The following CSMD1 variants were observed in gnomAD, a reference collection of about 807,000 sequenced individuals.
The protein encoded by CSMD1 is CUB and sushi domain-containing protein 1.
In CSMD1, 213 loss-of-function variants were observed where a neutral mutation model predicts 417.5. The observed-to-expected ratio is 0.51, with a 90% CI of 0.46 to 0.57. The LOEUF is 0.57. CSMD1 is among the 20% of genes least tolerant of loss of function. CSMD1 has a pLI of 0.00. For synonymous variants in CSMD1, 2,862 were observed against 1,736.8 expected (o/e 1.65, Z -16.11); for missense variants, 6,923 against 4,529.7 (o/e 1.53, Z -15.17).
At chr8:4,758,636 G>A (rs190514438) in intron 1 of CSMD1, among the ~76,000 whole-genome samples, 55 of 152,260 alleles carry the variant, frequency 3.6e-4, no homozygotes, top group African/African-American at 1.3e-3. Flanking sequence ...CACATGGCTG[G>A]GGAGGCCTCA....
At chr8:3,032,083 T>C (rs1810378865) in intron 50 of CSMD1, among the ~76,000 whole-genome samples, 1 of 151,658 alleles carries the variant, frequency 6.6e-6, no homozygotes, top group Admixed American at 6.6e-5. Flanking sequence ...AAGAAACGTG[T>C]ATGAGTGGAA....
rs1404455230 is a variant in CSMD1, at chr8:4,504,126, G to C, written c.303-84061C>G. On this transcript the variant is annotated intron_variant, in intron 2 of 69. Transcript: ENST00000635120. ...ATAAAGAAAATGTGGTGTATATATA[G>C]CCCATGGAGGATTACTCTTCACTCT... Among the ~76,000 whole-genome samples, 4 of 152,200 alleles carry C rather than the reference G, an allele frequency of 2.6e-5. No homozygotes were observed. The South Asian group carries it at 8.3e-4, about 32-fold the overall frequency.
chr8:3,157,029 T>C (rs1819579789), intron 39 of CSMD1, among the ~76,000 whole-genome samples: 1 of 148,698 alleles, frequency 6.7e-6, no homozygotes, highest in South Asian at 2.2e-4. Context: ...GCTAATAGCA[T>C]TCGCAGAGGA....
At chr8:3,009,246 T>C (rs1295099301) in intron 52 of CSMD1, among the ~76,000 whole-genome samples, 1 of 152,210 alleles carries the variant, frequency 6.6e-6, no homozygotes, top group African/African-American at 2.4e-5. Flanking sequence ...GCAGGACAAA[T>C]ACTAAATATT....
chr8:4,805,397 T>G (rs2117304932), intron 1 of CSMD1, among the ~76,000 whole-genome samples: 1 of 152,248 alleles, frequency 6.6e-6, no homozygotes, highest in South Asian at 2.1e-4. Flanking sequence ...TGTGATAAAT[T>G]ATTTCTTGGT....
intron 2 of CSMD1, among the ~76,000 whole-genome samples, chr8:4,483,944 GT>G (rs1347608224): frequency 1.3e-5 from 2 of 152,068 alleles, no homozygotes; most frequent in Non-Finnish European, 2.9e-5. Context: ...GTATAATGTC[GT>G]TGTCTCTCAT....
chr8:3,083,221 AC>A (rs1343063152), intron 49 of CSMD1, among the ~76,000 whole-genome samples: 1 of 152,100 alleles, frequency 6.6e-6, no homozygotes, highest in African/African-American at 2.4e-5. Flanking sequence ...AAAAGACAGA[AC>A]ATGTCTTCAA....
chr8:3,834,676 A>G (rs951273992), intron 5 of CSMD1, among the ~76,000 whole-genome samples: 1 of 152,144 alleles, frequency 6.6e-6, no homozygotes, highest in South Asian at 2.1e-4. Context: ...TTAGGGATCC[A>G]CAGAACGTGT....
At chr8:3,512,394 C>G (rs757195719) in intron 10 of CSMD1, among the ~76,000 whole-genome samples, 1 of 152,074 alleles carries the variant, frequency 6.6e-6, no homozygotes, top group African/African-American at 2.4e-5. Flanking sequence ...TGTGTCTCTC[C>G]CCATAGACAG....
At chr8:3,822,610 TTCTGTCA>T (rs1801801918) in intron 5 of CSMD1, among the ~76,000 whole-genome samples, 3 of 152,298 alleles carry the variant, frequency 2.0e-5, no homozygotes, top group Admixed American at 2.0e-4. Flanking sequence ...GGGCACCACC[TTCTGTCA>T]CCCGCTACCT....
Position 2,942,883 on chromosome 8 carries a change from C to T in CSMD1, c.10403-279G>A, listed in dbSNP as rs570361384. ...AAGGGTCAGTATACATCCTGACTTT[C>T]GTTTATAGTTATAGGTGTTTTCACA... On this transcript the variant is annotated intron_variant, in intron 68 of 69. Transcript: ENST00000635120. 5.9e-5 allele frequency among the ~76,000 whole-genome samples: 9 copies of T among 152,212 alleles called. No homozygotes were observed. In the South Asian group the frequency reaches 1.0e-3, roughly 18 times the overall value.
chr8:4,398,773 G>T (rs986390179), intron 3 of CSMD1, among the ~76,000 whole-genome samples: 29 of 152,258 alleles, frequency 1.9e-4, no homozygotes, highest in African/African-American at 5.8e-4. Context: ...CAAAATTATT[G>T]ATCAGCACTG....
chr8:4,713,337 T>C (rs2116873412), intron 1 of CSMD1, among the ~76,000 whole-genome samples: 1 of 152,270 alleles, frequency 6.6e-6, no homozygotes, highest in Admixed American at 6.5e-5. Context: ...TGTGGTGTCT[T>C]GCCATAGCTT....
At chr8:3,754,388 A>C (rs1354179757) in intron 5 of CSMD1, among the ~76,000 whole-genome samples, 3 of 152,130 alleles carry the variant, frequency 2.0e-5, no homozygotes, top group Non-Finnish European at 2.9e-5. Context: ...AGAAATAGGA[A>C]AATGATAAAA....
intron 20 of CSMD1, among the ~76,000 whole-genome samples, chr8:3,365,535 C>T (rs12679026): frequency 0.077 from 11,724 of 152,252 alleles, 602 homozygotes; most frequent in East Asian, 0.22. Flanking sequence ...TCAATAAATA[C>T]ATTGACAATT....
intron 2 of CSMD1, among the ~76,000 whole-genome samples, chr8:4,553,009 C>T (rs902656575): frequency 6.6e-6 from 1 of 152,116 alleles, no homozygotes; most frequent in South Asian, 2.1e-4. Context: ...GACATTTCAC[C>T]GAGTCAGAAC....
intron 5 of CSMD1, among the ~76,000 whole-genome samples, chr8:3,919,766 C>T (rs1483412964): frequency 6.6e-6 from 1 of 152,074 alleles, no homozygotes. Context: ...AATCCAGGAA[C>T]ACAAGCTATC....
chr8:4,499,281 G>A (rs1228722585), intron 2 of CSMD1, among the ~76,000 whole-genome samples: 2 of 152,292 alleles, frequency 1.3e-5, no homozygotes, highest in Non-Finnish European at 2.9e-5. Context: ...AAGCAGCCCA[G>A]GTAAAAGACG....
At chr8:3,823,149 G>C (rs1341472904) in intron 5 of CSMD1, among the ~76,000 whole-genome samples, 5 of 152,164 alleles carry the variant, frequency 3.3e-5, no homozygotes, top group African/African-American at 4.8e-5. Flanking sequence ...ACTGTGGCTT[G>C]TGTCTTCATA....
Sources: gnomAD v4.1 joint callset for allele counts (sites outside exome capture counted in the v4.1 genomes callset) on GRCh38, gnomAD v4.1.1 for gene constraint, MANE v1.5 for transcripts, NCBI Gene and HGNC (gene_info 2026-07-23, HGNC 2026-07-21) for gene names.